CA4: variants seen among roughly 807,000 people sequenced by gnomAD.
CA4 encodes carbonic anhydrase 4, also known as CA-IV.
In CA4, 24 loss-of-function variants were observed where a neutral mutation model predicts 34.5. The observed-to-expected ratio is 0.70, with a 90% confidence interval of 0.50 to 0.98. The LOEUF (loss-of-function observed/expected upper bound fraction) is 0.98, where lower values mean the gene tolerates loss of function less well. CA4 is among the 50% of genes least tolerant of loss of function. CA4 has a pLI of 0.00. For synonymous variants in CA4, 178 were observed against 170.6 expected, an observed-to-expected ratio of 1.04 and a Z score of -0.34; for missense variants, 394 against 396.7, an observed-to-expected ratio of 0.99 and a Z score of 0.06.
Position 60,155,498 on chromosome 17 carries a change from T to TACACAC in CA4, c.112+152_112+157dup, listed in dbSNP as rs3830362. On this transcript the variant is annotated intron_variant, in intron 2 of 7. Coordinates refer to ENST00000300900, the MANE Select transcript of CA4 (RefSeq NM_000717.5). ...CCCAGGCAGATATCAGTTCCCAGCA[T>TACACAC]ACACACACACACACACACACACACA... 9.5e-5 allele frequency: 54 copies of TACACAC among 570,602 alleles called. 2 individuals carry two copies. Among genetic ancestry groups the TACACAC allele is most frequent in the African/African-American group, 9.2e-4 (38 of 41,338 alleles). The allele number at this position is 570,602 out of a possible 1,614,324, so 35.3% of individuals were successfully genotyped here. A position where few individuals can be genotyped will look rare whatever the true frequency, so the allele number is the denominator to read the frequency against.
chr17:60,157,442 A>C lies in CA4; in HGVS notation c.284A>C (p.Glu95Ala), dbSNP rs2083707868. Residue 95 changes from glutamate (E) to alanine (A), a missense_variant, in exon 4 of 8, where the codon GAG becomes GCG. Coordinates refer to ENST00000300900, the MANE Select transcript of CA4 (RefSeq NM_000717.5). ...NNGHSVMMLL[E>A]NKASISGGGL... is the part of the protein sequence containing the mutation. ...GTGCTCCCAGTGATGATGTTGCTGG[A>C]GAACAAGGCCAGCATTTCTGGAGGA... The C allele has an allele frequency of 6.2e-7, 1 of 1,614,082 alleles. No individual in the cohort carries two copies. Among genetic ancestry groups the C allele is most frequent in the Admixed American group, 1.7e-5 (1 of 59,998 alleles).
chr17:60,152,423 C>A (rs1281195534), intron 1 of CA4, among the ~76,000 whole-genome samples: 1 of 152,200 alleles, frequency 6.6e-6, no homozygotes, highest in Non-Finnish European at 1.5e-5. Context: ...GTGCGTTCAG[C>A]CAAGCAGGTC....
intron 2 of CA4, among the ~76,000 whole-genome samples, chr17:60,155,618 T>C (rs2083668392): frequency 7.1e-6 from 1 of 140,228 alleles, no homozygotes; most frequent in Non-Finnish European, 1.5e-5. Flanking sequence ...AAGCACACAC[T>C]CAAACACTCA....
At chr17:60,162,349 G>A (rs1431427052), downstream of CA4, among the ~76,000 whole-genome samples, 4 of 152,020 alleles carry the variant, frequency 2.6e-5, no homozygotes, top group Non-Finnish European at 4.4e-5. Flanking sequence ...CCCTCCATGC[G>A]GCCTCCACCA....
intron 5 of CA4, among the ~76,000 whole-genome samples, chr17:60,169,727 G>T (rs1202684202): frequency 6.6e-6 from 1 of 152,106 alleles, no homozygotes; most frequent in Non-Finnish European, 1.5e-5. Flanking sequence ...CTGACCTCGT[G>T]ATCCACCTGC....
Position 60,158,446 on chromosome 17 carries a change from G to A in CA4, c.744G>A (p.Gln248=). Residue 248 remains glutamine (Q), a splice_region_variant and synonymous_variant, in exon 7 of 8, where the codon CAG becomes CAA. Coordinates refer to ENST00000300900, the MANE Select transcript of CA4 (RefSeq NM_000717.5). ...AGCCCATTCAGCTTCACAGAGAACA[G>A]GTGCACAGGGCCTGGGGCAGGGCAT... ...FREPIQLHRE[Q]ILAFSQKLYY... 1 of 1,613,692 alleles carries A rather than the reference G, an allele frequency of 6.2e-7. No individual in the cohort carries two copies. The highest frequency in any genetic ancestry group is 1.1e-5 in the South Asian group (1 of 91,058).
intron 7 of CA4, chr17:60,158,889 G>C (rs1436375722): frequency 2.3e-6 from 1 of 434,206 alleles, no homozygotes; most frequent in Non-Finnish European, 4.2e-6. Context: ...TGGAGCCCAG[G>C]CATCTGGGGC....
chr17:60,157,846 A>T lies in CA4; in HGVS notation c.513+58A>T, dbSNP rs2083719202. The T allele has an allele frequency of 2.1e-5, 32 of 1,551,066 alleles. No individual in the cohort carries two copies. The South Asian group carries it at 3.5e-4, about 17-fold the overall frequency. ...CCGGGGCTGAGAGCTTCTTCTTAGG[A>T]TTCAGAGACCTGGGACTCCAGCGAG... On this transcript the variant is annotated intron_variant, in intron 5 of 7. Transcript: ENST00000300900.
At position 60,156,647 on chromosome 17, in the gene CA4, T is replaced by C; in HGVS notation, c.200T>C (p.Leu67Pro). 1 of 1,614,078 alleles carries C rather than the reference T, an allele frequency of 6.2e-7. No individual in the cohort carries two copies. Among genetic ancestry groups the C allele is most frequent in the Non-Finnish European group, 8.5e-7 (1 of 1,179,942 alleles). The change falls in exon 3 of 8, where the codon CTG (leucine) becomes CCG (proline). Residue 67 changes from leucine (L) to proline (P), a missense_variant. Coordinates refer to ENST00000300900, the MANE Select transcript of CA4 (RefSeq NM_000717.5). Reference sequence around the variant, plus strand: ...ACCAAGGCAAAGGTGGACAAAAAACTGGGACGCTTCTTCTTCTCTGGCTAC... The same window carrying C: ...ACCAAGGCAAAGGTGGACAAAAAACCGGGACGCTTCTTCTTCTCTGGCTAC... ...VTTKAKVDKK[L>P]GRFFFSGYDK... is the part of the protein sequence containing the mutation.
the CA4 span, among the ~76,000 whole-genome samples, chr17:60,177,466 C>T: frequency 6.6e-6 from 1 of 152,102 alleles, no homozygotes; most frequent in East Asian, 1.9e-4. Flanking sequence ...AAATTTTCTG[C>T]TAGTTCATGA....
intron 2 of CA4, among the ~76,000 whole-genome samples, chr17:60,156,097 C>T (rs1049071491): frequency 8.5e-5 from 13 of 152,276 alleles, no homozygotes; most frequent in Admixed American, 7.2e-4. Context: ...GCTCAGCGCC[C>T]TTCATCAGCA....
chr17:60,150,936 G>C (rs1306756750), intron 1 of CA4, among the ~76,000 whole-genome samples: 2 of 152,094 alleles, frequency 1.3e-5, no homozygotes, highest in Admixed American at 1.3e-4. Flanking sequence ...GCGGGGGCGG[G>C]GGGTGGGGGA....
chr17:60,155,751 T>A (rs1040298001), intron 2 of CA4, among the ~76,000 whole-genome samples: 13 of 151,978 alleles, frequency 8.6e-5, no homozygotes, highest in African/African-American at 3.1e-4. Flanking sequence ...GTGACCTGAG[T>A]CTTCACTGGC....
chr17:60,174,546 A>G (rs1193675365), downstream of CA4, among the ~76,000 whole-genome samples: 1 of 151,986 alleles, frequency 6.6e-6, no homozygotes, highest in Admixed American at 6.6e-5. Context: ...TCTATTCCCA[A>G]CCAGGTTCTT....
rs775003473 is a variant in CA4 at position 60,159,298 on chromosome 17, G to A, written c.813G>A (p.Arg271=). The A allele has an allele frequency of 2.5e-6, 4 of 1,610,060 alleles. No individual in the cohort carries two copies. The highest frequency in any genetic ancestry group is 2.2e-5 in the East Asian group (1 of 44,688). Residue 271 remains arginine, a synonymous_variant, in exon 8 of 8, where the codon AGG becomes AGA. Transcript: ENST00000300900. ...EQTVSMKDNV[R]PLQQLGQRTV... is the part of the protein sequence containing the mutation. ...CAGTGAGCATGAAGGACAATGTCAG[G>A]CCCCTGCAGCAGCTGGGGCAGCGCA... is the stretch of plus-strand genomic sequence containing the variant.
chr17:60,172,928 G>A (rs2083924173), downstream of CA4, among the ~76,000 whole-genome samples: 1 of 151,906 alleles, frequency 6.6e-6, no homozygotes, highest in South Asian at 2.1e-4. Flanking sequence ...TGGATCACCT[G>A]AGGCTGGGAG....
chr17:60,167,738 T>A lies in CA4; in HGVS notation c.*179-2813T>A, dbSNP rs145162739. 3.9e-5 allele frequency among the ~76,000 whole-genome samples: 6 copies of A among 152,294 alleles called. No homozygotes were observed. The East Asian group carries it at 1.2e-3, about 29-fold the overall frequency. On this transcript the variant is annotated intron_variant and NMD_transcript_variant, in intron 5 of 5. Coordinates refer to the CA4 transcript ENST00000586876. Reference sequence around the variant, plus strand: ...GGTTTCCACATGTGGGATCTGGGTGTACAAGGTGCTTGATTCTCAGATTCT... The same window carrying A: ...GGTTTCCACATGTGGGATCTGGGTGAACAAGGTGCTTGATTCTCAGATTCT...
At chr17:60,159,674 GGTGTCCCCACTCCCGTTCTAT>G (rs1457913193), downstream of CA4, 3 of 595,328 alleles carry the variant, frequency 5.0e-6, no homozygotes, top group Non-Finnish European at 9.0e-6. Context: ...GGTACCACCA[GGTGTCCCCACTCCCGTTCTAT>G]GTGAATTCCG....
chr17:60,158,628 A>C, intron 7 of CA4, 182 bp downstream of exon 7: 1 of 645,146 alleles, frequency 1.6e-6, no homozygotes, highest in South Asian at 1.8e-5. Context: ...CCATCACCAG[A>C]TTGGGGGCTA....
Sources: gnomAD v4.1 joint callset for allele counts (sites outside exome capture counted in the v4.1 genomes callset) on GRCh38, gnomAD v4.1.1 for gene constraint, MANE v1.5 for transcripts, NCBI Gene and HGNC (gene_info 2026-07-23, HGNC 2026-07-21) for gene names.